The following SAMSN1 variants were observed in gnomAD, a reference collection of about 807,000 sequenced individuals.
SAMSN1 encodes the protein SAM domain, SH3 domain and nuclear localization signals 1.
A neutral mutation model predicts 42.0 loss-of-function variants in SAMSN1; 31 were observed. The ratio of observed to expected loss-of-function variants is 0.74; its 90% CI spans 0.55 to 1.00. The LOEUF is 1.00. Among genes scored for constraint, SAMSN1 ranks in the 50% least tolerant of loss-of-function variants. The pLI, the probability that SAMSN1 is intolerant of heterozygous loss-of-function variation, is 0.00. For synonymous variants in SAMSN1, 178 were observed against 151.9 expected, an observed-to-expected ratio of 1.17 and a Z score of -1.26; for missense variants, 464 against 439.4, an observed-to-expected ratio of 1.06 and a Z score of -0.50.
At chr21:14,590,935 T>A (rs1371832747) in intron 7 of SAMSN1, among the ~76,000 whole-genome samples, 1 of 152,072 alleles carries the variant, frequency 6.6e-6, no homozygotes, top group African/African-American at 2.4e-5. Context: ...ATAAAACCAA[T>A]GGGATTATGA....
upstream of SAMSN1, among the ~76,000 whole-genome samples, chr21:14,550,369 A>T (rs1254386722): frequency 1.3e-5 from 2 of 152,050 alleles, no homozygotes; most frequent in African/African-American, 4.8e-5. Context: ...CTGTGCAGTG[A>T]CTTTTCTGCT....
intron 2 of SAMSN1, among the ~76,000 whole-genome samples, chr21:14,559,390 A>T (rs902913922): frequency 5.3e-5 from 8 of 152,158 alleles, no homozygotes; most frequent in Non-Finnish European, 1.2e-4. Context: ...TGGTCTTTAA[A>T]CCAGCACAGC....
At chr21:14,607,544 T>C (rs1263857325) in intron 5 of SAMSN1, among the ~76,000 whole-genome samples, 1 of 152,178 alleles carries the variant, frequency 6.6e-6, no homozygotes, top group East Asian at 1.9e-4. Flanking sequence ...GACACACACA[T>C]GCACACGCAC....
intron 2 of SAMSN1, among the ~76,000 whole-genome samples, chr21:14,571,400 T>A (rs1981296321): frequency 6.6e-6 from 1 of 152,180 alleles, no homozygotes; most frequent in Non-Finnish European, 1.5e-5. Context: ...AATAAAGCCA[T>A]ATTTCTAATC....
chr21:14,579,524 C>CT (rs1447667405), intron 2 of SAMSN1, among the ~76,000 whole-genome samples: 1 of 151,994 alleles, frequency 6.6e-6, no homozygotes, highest in Admixed American at 6.6e-5. Context: ...TATGCTTTAT[C>CT]TGGATCTATG....
chr21:14,617,810 T>A (rs916540387), intron 2 of SAMSN1, among the ~76,000 whole-genome samples: 3 of 152,238 alleles, frequency 2.0e-5, no homozygotes, highest in Non-Finnish European at 4.4e-5. Context: ...TCAAAGAGAT[T>A]AATTCCAGAT....
intron 1 of SAMSN1, among the ~76,000 whole-genome samples, chr21:14,540,134 A>G (rs1407281794): frequency 5.3e-5 from 8 of 152,246 alleles, no homozygotes; most frequent in Non-Finnish European, 7.3e-5. Context: ...CTTATACAAA[A>G]ATTACTTCAA....
intron 2 of SAMSN1, among the ~76,000 whole-genome samples, chr21:14,567,260 C>A: frequency 6.9e-6 from 1 of 145,836 alleles, no homozygotes; most frequent in African/African-American, 2.6e-5. Context: ...ACGAGTAAGT[C>A]AGGTGAATGG....
At chr21:14,606,558 C>A (rs940468749) in intron 5 of SAMSN1, among the ~76,000 whole-genome samples, 3 of 152,054 alleles carry the variant, frequency 2.0e-5, no homozygotes, top group Non-Finnish European at 4.4e-5. Flanking sequence ...TGGACTTTAA[C>A]TTACTAAAAT....
In SAMSN1 at chr21:14,655,261, G is replaced by A. The variant is rs565719882; in HGVS notation, c.24+3487C>T. Among the ~76,000 whole-genome samples the A allele has an allele frequency of 4.0e-4, 60 of 151,806 alleles. 2 individuals are homozygous for A. The South Asian group carries it at 9.6e-3, about 24-fold the overall frequency. On this transcript the variant is annotated intron_variant, in intron 1 of 15. Coordinates refer to the SAMSN1 transcript ENST00000647101. Reference sequence around the variant, plus strand: ...AGAAAATGCTGAGTTCACTTAGGGTGCAGCATAGAAGGATAAATAGAAAAC... The same window carrying A: ...AGAAAATGCTGAGTTCACTTAGGGTACAGCATAGAAGGATAAATAGAAAAC...
chr21:14,600,246 T>G (rs1600956004), intron 6 of SAMSN1, among the ~76,000 whole-genome samples: 1 of 152,290 alleles, frequency 6.6e-6, no homozygotes, highest in Middle Eastern at 3.4e-3. Flanking sequence ...CTCTTCCCCA[T>G]CTTTCAACAG....
In SAMSN1 at chr21:14,577,284, ATT is replaced by A. The variant is rs58491748; in HGVS notation, c.261+4850_261+4851del. The stretch of plus-strand genomic sequence containing the variant: ...TATATATATATATATATATATATAT[ATT>A]TTTTTTTTAGAAGAGACAGGGTTTT... On this transcript the variant is annotated intron_variant, in intron 2 of 8. Transcript: ENST00000285670. Among the ~76,000 whole-genome samples the A allele has an allele frequency of 6.8e-3, 364 of 53,832 alleles. 8 individuals are homozygous for A. The highest frequency in any genetic ancestry group is 8.9e-3 in the Non-Finnish European group (262 of 29,536). 35.3% of individuals were successfully genotyped at this position (53,832 alleles called of 152,430 possible).
intron 3 of SAMSN1, chr21:14,615,921 A>T (rs1409674258): frequency 2.1e-6 from 1 of 467,430 alleles, no homozygotes. Flanking sequence ...AAAAATTCAC[A>T]TTCAACATTA....
chr21:14,557,490 C>T (rs946507039), intron 2 of SAMSN1, among the ~76,000 whole-genome samples: 1 of 152,172 alleles, frequency 6.6e-6, no homozygotes, highest in African/African-American at 2.4e-5. Context: ...TTCCTGGGAA[C>T]ATGTTCAACC....
At chr21:14,654,314 C>T (rs1180583699) in intron 1 of SAMSN1, among the ~76,000 whole-genome samples, 1 of 151,974 alleles carries the variant, frequency 6.6e-6, no homozygotes, top group Admixed American at 6.6e-5. Context: ...ACCCCTGTTC[C>T]AAACACATTA....
intron 7 of SAMSN1, among the ~76,000 whole-genome samples, chr21:14,493,193 A>C (rs1451709134): frequency 6.6e-6 from 1 of 152,200 alleles, no homozygotes; most frequent in Non-Finnish European, 1.5e-5. Flanking sequence ...GCTGGTATCA[A>C]CATTCTGGCA....
upstream of SAMSN1, among the ~76,000 whole-genome samples, chr21:14,549,970 G>A (rs748513211): frequency 8.7e-4 from 132 of 151,878 alleles, 11 homozygotes; most frequent in Non-Finnish European, 7.4e-5. Context: ...CCTGAAATAA[G>A]TACACATTGC....
At chr21:14,584,480 C>A (rs981382485), upstream of SAMSN1, among the ~76,000 whole-genome samples, 1 of 152,134 alleles carries the variant, frequency 6.6e-6, no homozygotes, top group Non-Finnish European at 1.5e-5. Context: ...ATGTTTCCCA[C>A]TAGTTTACTG....
intron 7 of SAMSN1, among the ~76,000 whole-genome samples, chr21:14,492,516 G>A (rs768369758): frequency 7.2e-5 from 11 of 152,216 alleles, no homozygotes; most frequent in East Asian, 3.9e-4. Flanking sequence ...TAGAAGATTC[G>A]GTCTTGTTTG....
Sources: allele counts gnomAD v4.1 joint callset (sites outside exome capture counted in the v4.1 genomes callset), GRCh38; gene constraint gnomAD v4.1.1; transcripts MANE v1.5; gene names NCBI Gene and HGNC (gene_info 2026-07-23, HGNC 2026-07-21).